ATP10D: variants seen among roughly 807,000 people sequenced by gnomAD.
ATP10D encodes ATPase phospholipid transporting 10D (putative).
Under a neutral mutation model 144.8 loss-of-function variants are expected in ATP10D, and 89 were observed. The ratio of observed to expected loss-of-function variants is 0.61; its 90% CI spans 0.52 to 0.73. The LOEUF (loss-of-function observed/expected upper bound fraction) is 0.73. Among genes scored for constraint, ATP10D ranks in the 30% least tolerant of loss-of-function variants. The probability of loss-of-function intolerance (pLI) is 0.00; values close to 1 mark genes in which losing one functional copy is unlikely to be tolerated. For missense variants in ATP10D, 1,603 were observed against 1,714.8 expected, an observed-to-expected ratio of 0.93 and a Z score of 1.15; for synonymous variants, 571 against 615.1, an observed-to-expected ratio of 0.93 and a Z score of 1.06.
At position 47,523,071 on chromosome 4, in the gene ATP10D, G is replaced by A. The variant is rs114311534; in HGVS notation, c.545G>A (p.Arg182His). ...GACGTTACTGTTGGGGACTTTATTC[G>A]CCTCTCCTGCAACGAGGTCATCCCT... ...WKDVTVGDFI[R>H]LSCNEVIPAD... The change falls in exon 4 of 23, where the codon CGC becomes CAC. Residue 182 changes from arginine (R) to histidine (H), a missense_variant. Coordinates refer to ENST00000273859, the MANE Select transcript of ATP10D (RefSeq NM_020453.4). 5,184 of 1,613,006 alleles carry A rather than the reference G, an allele frequency of 3.2e-3. 146 individuals are homozygous for A. In the African/African-American group the frequency reaches 0.061, roughly 19 times the overall value.
Position 47,591,188 on chromosome 4 carries a change from A to G in ATP10D, c.4088A>G (p.Tyr1363Cys), listed in dbSNP as rs1290243271. Residue 1363 changes from tyrosine (Y) to cysteine (C), a missense_variant, in exon 23 of 23, where the codon TAT (tyrosine) becomes TGT (cysteine). Tyr to Cys is a radical substitution (Grantham distance 194). Transcript: ENST00000273859. ...AGKMNQVTSK[Y>C]ANQSAGKSGR... ...AAGATGAATCAAGTGACATCAAAGT[A>G]TGCTAACCAATCAGCTGGCAAGTCA... The G allele has an allele frequency of 2.0e-5, 32 of 1,613,502 alleles. No individual in the cohort carries two copies. The highest frequency in any genetic ancestry group is 4.5e-5 in the East Asian group (2 of 44,886).
intron 19 of ATP10D, among the ~76,000 whole-genome samples, chr4:47,579,384 T>C (rs943989258): frequency 6.6e-6 from 1 of 152,238 alleles, no homozygotes; most frequent in African/African-American, 2.4e-5. Flanking sequence ...TGCATTCCAC[T>C]GAGAGAACTA....
chr4:47,575,136 C>T (rs769777352), intron 18 of ATP10D, among the ~76,000 whole-genome samples: 1 of 152,088 alleles, frequency 6.6e-6, no homozygotes, highest in Non-Finnish European at 1.5e-5. Flanking sequence ...CATTTTCTAA[C>T]TTGATCTTGA....
Position 47,515,496 on chromosome 4 carries a change from T to C in ATP10D, c.311T>C (p.Leu104Pro). The C allele has an allele frequency of 6.2e-7, 1 of 1,612,058 alleles. No homozygotes were observed. Among genetic ancestry groups the C allele is most frequent in the Non-Finnish European group, 8.5e-7 (1 of 1,179,078 alleles). ...TGCAGAGCTGCCAATTTATATTTCC[T>C]GTTCCTAGTTGTCCTGAACTGGGTA... Reference protein sequence around the residue: ...QFHRAANLYFLFLVVLNWVPL... With the variant: ...QFHRAANLYFPFLVVLNWVPL... Residue 104 changes from leucine to proline, a missense_variant, in exon 3 of 23, where the codon CTG becomes CCG. Leu to Pro is a moderately conservative substitution (Grantham distance 98). Coordinates refer to ENST00000273859, the MANE Select transcript of ATP10D (RefSeq NM_020453.4).
At chr4:47,530,285 A>C (rs1351070668) in intron 5 of ATP10D, among the ~76,000 whole-genome samples, 2 of 151,966 alleles carry the variant, frequency 1.3e-5, no homozygotes, top group Non-Finnish European at 2.9e-5. Context: ...ATTGGCTGTG[A>C]ATTTGTCATA....
intron 1 of ATP10D, among the ~76,000 whole-genome samples, chr4:47,510,919 C>A (rs1560415764): frequency 1.3e-5 from 2 of 152,144 alleles, no homozygotes; most frequent in Admixed American, 6.5e-5. Flanking sequence ...TCACATTTGT[C>A]ATAATGGTAA....
chr4:47,569,395 T>TCAGACCG (rs138298566), intron 16 of ATP10D, among the ~76,000 whole-genome samples: 2 of 151,298 alleles, frequency 1.3e-5, no homozygotes, highest in African/African-American at 4.9e-5. Flanking sequence ...TAGTTCAGTG[T>TCAGACCG]CAGACCCCCA....
intron 3 of ATP10D, among the ~76,000 whole-genome samples, chr4:47,520,862 C>T (rs1180951105): frequency 6.6e-6 from 1 of 152,144 alleles, no homozygotes; most frequent in South Asian, 2.1e-4. Flanking sequence ...CCACCGTGCC[C>T]GGCCTCTGTA....
At chr4:47,517,515 C>G (rs1198949907) in intron 3 of ATP10D, among the ~76,000 whole-genome samples, 1 of 152,136 alleles carries the variant, frequency 6.6e-6, no homozygotes, top group Non-Finnish European at 1.5e-5. Context: ...ATCTGATTCT[C>G]TCAGTTAGCT....
chr4:47,568,187 A>G (rs1395630431), intron 15 of ATP10D, among the ~76,000 whole-genome samples: 1 of 152,252 alleles, frequency 6.6e-6, no homozygotes, highest in Non-Finnish European at 1.5e-5. Flanking sequence ...AGGAGACGTG[A>G]TAAGTACCAC....
intron 17 of ATP10D, 53 bp downstream of exon 17, chr4:47,572,283 G>A: frequency 1.3e-6 from 2 of 1,489,568 alleles, no homozygotes; most frequent in South Asian, 2.3e-5. Context: ...CCCATCCAAA[G>A]GCAGCATTCT....
intron 13 of ATP10D, among the ~76,000 whole-genome samples, chr4:47,560,505 A>AAAAC (rs1349982483): frequency 6.6e-6 from 1 of 152,118 alleles, no homozygotes; most frequent in Non-Finnish European, 1.5e-5. Context: ...AAAACAAAAC[A>AAAAC]AAACAAACAA....
At chr4:47,553,360 A>G (rs1289040211) in intron 10 of ATP10D, among the ~76,000 whole-genome samples, 1 of 152,242 alleles carries the variant, frequency 6.6e-6, no homozygotes, top group Non-Finnish European at 1.5e-5. Context: ...ACAAGATTCA[A>G]ATTTTGCTAA....
intron 11 of ATP10D, among the ~76,000 whole-genome samples, chr4:47,555,992 G>A (rs564380009): frequency 2.6e-5 from 4 of 152,286 alleles, no homozygotes; most frequent in South Asian, 2.1e-4. Context: ...GACCTCAGGC[G>A]ATCCACCTGC....
At position 47,557,967 on chromosome 4, in the gene ATP10D, G is replaced by C. The variant is rs1223062898; in HGVS notation, c.2128G>C (p.Glu710Gln). 6.2e-7 allele frequency: 1 copy of C among 1,614,212 alleles called. No individual in the cohort carries two copies. Among genetic ancestry groups the C allele is most frequent in the East Asian group, 2.2e-5 (1 of 44,878 alleles). The change falls in exon 12 of 23, where the codon GAG becomes CAG. Residue 710 changes from glutamate (E) to glutamine (Q), a missense_variant. By Grantham distance (29) the Glu-to-Gln change is conservative. Transcript: ENST00000273859. ...TGCAGGCCTCCTGAATGGCAAGGCA[G>C]AGTCCCTCCCTGGACAGCCATTGGC... ...GDAGLLNGKA[E>Q]SLPGQPLACN...
intron 1 of ATP10D, among the ~76,000 whole-genome samples, chr4:47,498,209 C>A (rs1410204106): frequency 6.6e-6 from 1 of 152,206 alleles, no homozygotes; most frequent in Non-Finnish European, 1.5e-5. Flanking sequence ...GTGCTACTTA[C>A]CTCTCTCTTG....
intron 2 of ATP10D, among the ~76,000 whole-genome samples, chr4:47,515,106 G>A (rs910562975): frequency 3.3e-5 from 5 of 151,978 alleles, no homozygotes; most frequent in East Asian, 1.9e-4. Context: ...GACCACAAGC[G>A]TAGGCCACTA....
chr4:47,568,023 T>A (rs1410852714), intron 15 of ATP10D, among the ~76,000 whole-genome samples: 1 of 152,242 alleles, frequency 6.6e-6, no homozygotes, highest in East Asian at 1.9e-4. Context: ...ATAAGCTTAT[T>A]GTTCATCTTC....
rs900203773 is a variant in ATP10D, at chr4:47,535,945, T to C, written c.927T>C (p.Tyr309=). Residue 309 remains tyrosine, a synonymous_variant, in exon 7 of 23, where the codon TAT becomes TAC. Transcript: ENST00000273859. ...KAMLNNSGPR[Y]KRSKLERRAN... ...TGCTGAACAACAGTGGGCCACGGTA[T>C]AAGCGCAGCAAATTAGAAAGAAGAG... 1 of 1,613,024 alleles carries C rather than the reference T, an allele frequency of 6.2e-7. No individual in the cohort carries two copies. The highest frequency in any genetic ancestry group is 8.5e-7 in the Non-Finnish European group (1 of 1,179,190).
Sources: gnomAD v4.1 joint callset for allele counts (sites outside exome capture counted in the v4.1 genomes callset) on GRCh38, gnomAD v4.1.1 for gene constraint, MANE v1.5 for transcripts, NCBI Gene and HGNC (gene_info 2026-07-23, HGNC 2026-07-21) for gene names.